NBAS: variants seen among roughly 807,000 people sequenced by gnomAD.
NBAS encodes the protein NBAS subunit of NRZ tethering complex.
A neutral mutation model predicts 302.5 loss-of-function variants in NBAS; 219 were observed. The observed-to-expected ratio is 0.72, with a 90% CI of 0.65 to 0.81. The LOEUF (loss-of-function observed/expected upper bound fraction) is 0.81, where lower values mean the gene tolerates loss of function less well. Ranked by LOEUF, NBAS falls within the 30% of genes least tolerant of loss-of-function variation. The pLI, the probability that NBAS is intolerant of heterozygous loss-of-function variation, is 0.00. For missense variants in NBAS, 2,932 were observed against 2,841.6 expected (o/e 1.03, Z -0.72); for synonymous variants, 1,118 against 1,021.6 (o/e 1.09, Z -1.80).
intron 51 of NBAS, among the ~76,000 whole-genome samples, chr2:15,175,980 G>A (rs12615922): frequency 0.27 from 41,418 of 152,112 alleles, 6,965 homozygotes; most frequent in East Asian, 0.64. Context: ...GCCTCTGCCA[G>A]ATGTTTTTCT....
chr2:15,150,516 A>T, the NBAS span, among the ~76,000 whole-genome samples: 2 of 152,198 alleles, frequency 1.3e-5, no homozygotes, highest in Admixed American at 6.5e-5. Context: ...ATTTAAGAGG[A>T]TGTAAATCCA....
chr2:15,526,561 TAA>T (rs1214896995), intron 9 of NBAS, among the ~76,000 whole-genome samples: 21 of 151,132 alleles, frequency 1.4e-4, no homozygotes, highest in Non-Finnish European at 1.8e-4. Flanking sequence ...TTCTTTCATT[TAA>T]AAAAAAAGAC....
chr2:15,223,819 C>T (rs999503753), intron 47 of NBAS, among the ~76,000 whole-genome samples: 2 of 149,958 alleles, frequency 1.3e-5, no homozygotes, highest in African/African-American at 4.9e-5. Context: ...CAGAGCAAGA[C>T]TCCATCTCAA....
chr2:15,278,340 T>C (rs1446100517), intron 42 of NBAS, among the ~76,000 whole-genome samples: 1 of 152,210 alleles, frequency 6.6e-6, no homozygotes, highest in Non-Finnish European at 1.5e-5. Flanking sequence ...TATCTATAAA[T>C]ATGTCCCCAG....
the NBAS span, among the ~76,000 whole-genome samples, chr2:15,080,401 T>G: frequency 1.1e-3 from 167 of 152,318 alleles, no homozygotes; most frequent in African/African-American, 3.9e-3. Flanking sequence ...CTCCTGTATC[T>G]CTCCAGAAAC....
At chr2:14,865,154 G>A in the NBAS span, among the ~76,000 whole-genome samples, 3 of 152,120 alleles carry the variant, frequency 2.0e-5, no homozygotes, top group African/African-American at 4.8e-5. Context: ...CTACCTCACT[G>A]AGCTTCCATT....
the NBAS span, among the ~76,000 whole-genome samples, chr2:14,794,527 T>A: frequency 2.3e-3 from 356 of 152,296 alleles, no homozygotes; most frequent in African/African-American, 7.8e-3. Flanking sequence ...TCAATAAATG[T>A]TTACATATTC....
At chr2:15,152,406 T>C in the NBAS span, among the ~76,000 whole-genome samples, 63,872 of 152,122 alleles carry the variant, frequency 0.42, 14,658 homozygotes, top group African/African-American at 0.58. Context: ...CACTTTGAAT[T>C]CCTAAGTGGT....
chr2:15,116,056 G>A, the NBAS span, among the ~76,000 whole-genome samples: 1 of 152,136 alleles, frequency 6.6e-6, no homozygotes, highest in African/African-American at 2.4e-5. Flanking sequence ...CAGAGGCTGG[G>A]AGGATAACAG....
the NBAS span, among the ~76,000 whole-genome samples, chr2:15,050,917 G>C: frequency 6.6e-6 from 1 of 152,038 alleles, no homozygotes. Flanking sequence ...AGAAATGCAA[G>C]GAAAGGGGAC....
the NBAS span, among the ~76,000 whole-genome samples, chr2:14,983,902 A>G: frequency 3.2e-4 from 49 of 152,178 alleles, no homozygotes; most frequent in African/African-American, 1.1e-3. Flanking sequence ...CTGGCAACAC[A>G]GGAGTCATGG....
chr2:14,796,828 G>A, the NBAS span, among the ~76,000 whole-genome samples: 5,407 of 149,426 alleles, frequency 0.036, 307 homozygotes, highest in African/African-American at 0.13. Context: ...TACAGCCTAT[G>A]CCTCCCCCAT....
At chr2:15,295,057 C>G (rs7584861) in intron 40 of NBAS, among the ~76,000 whole-genome samples, 84,880 of 152,060 alleles carry the variant, frequency 0.56, 25,241 homozygotes, top group East Asian at 0.85. Flanking sequence ...TCATAGTTTT[C>G]TTCCACATTC....
At chr2:15,379,221 C>A (rs1674907900) in intron 30 of NBAS, among the ~76,000 whole-genome samples, 1 of 150,464 alleles carries the variant, frequency 6.6e-6, no homozygotes. Context: ...AAGACTTATG[C>A]CCTGGCATTT....
At chr2:15,268,427 T>A (rs904499597) in intron 44 of NBAS, among the ~76,000 whole-genome samples, 6 of 152,158 alleles carry the variant, frequency 3.9e-5, no homozygotes, top group African/African-American at 4.8e-5. Flanking sequence ...GTGGTTTTTT[T>A]AAAAAGGCAA....
intron 10 of NBAS, among the ~76,000 whole-genome samples, chr2:15,510,985 C>T (rs906337445): frequency 5.3e-4 from 80 of 152,266 alleles, no homozygotes; most frequent in Middle Eastern, 3.4e-3. Context: ...GGTTGTTTTT[C>T]TAGTATCTGA....
rs547119424 is a variant in NBAS, at chr2:15,452,991, T to A, written c.2339+8210A>T. Among the ~76,000 whole-genome samples the A allele has an allele frequency of 1.2e-4, 19 of 152,332 alleles. No homozygotes were observed. In the East Asian group the frequency reaches 3.7e-3, roughly 29 times the overall value. On this transcript the variant is annotated intron_variant, in intron 21 of 51. Transcript: ENST00000281513. ...TTAAAAAAATTGTCACAGGATACTA[T>A]GACATCTGCAAACAGAATAGTACCC...
chr2:15,281,946 G>C (rs1367894964), intron 42 of NBAS, among the ~76,000 whole-genome samples: 1 of 152,104 alleles, frequency 6.6e-6, no homozygotes, highest in Non-Finnish European at 1.5e-5. Context: ...CTGGTTTTTA[G>C]GATTTCTAGA....
intron 38 of NBAS, among the ~76,000 whole-genome samples, chr2:15,319,794 C>T (rs1047186496): frequency 1.3e-5 from 2 of 152,180 alleles, no homozygotes; most frequent in African/African-American, 2.4e-5. Context: ...CAGAGATTCA[C>T]AGCCGAATTC....
Sources: allele counts gnomAD v4.1 joint callset (sites outside exome capture counted in the v4.1 genomes callset), GRCh38; gene constraint gnomAD v4.1.1; transcripts MANE v1.5; gene names NCBI Gene and HGNC (gene_info 2026-07-23, HGNC 2026-07-21).